TCTN2: variants seen among roughly 807,000 people sequenced by gnomAD.
TCTN2 encodes tectonic-2.
A neutral mutation model predicts 83.4 loss-of-function variants in TCTN2; 66 were observed. The observed-to-expected ratio is 0.79, with a 90% CI of 0.65 to 0.97. The LOEUF (loss-of-function observed/expected upper bound fraction) is 0.97. Ranked by LOEUF, TCTN2 falls within the 50% of genes least tolerant of loss-of-function variation. TCTN2 has a pLI of 0.00. For missense variants in TCTN2, 794 were observed against 858.1 expected, an observed-to-expected ratio of 0.93 and a Z score of 0.93; for synonymous variants, 301 against 326.7, an observed-to-expected ratio of 0.92 and a Z score of 0.85.
At chr12:123,681,890 C>T (rs539046182) in intron 5 of TCTN2, among the ~76,000 whole-genome samples, 8 of 152,282 alleles carry the variant, frequency 5.3e-5, no homozygotes, top group African/African-American at 1.9e-4. Flanking sequence ...TCCTCACCAA[C>T]AGTTGTTATT....
At position 123,671,339 on chromosome 12, in the gene TCTN2, A is replaced by C. The variant is rs2135813322; in HGVS notation, c.82+17A>C. 3.7e-6 allele frequency: 6 copies of C among 1,612,538 alleles called. No individual in the cohort carries two copies. The highest frequency in any genetic ancestry group is 3.3e-4 in the Middle Eastern group (2 of 6,056). On this transcript the variant is annotated intron_variant, in intron 1 of 17. Transcript: ENST00000303372. ...GGGACCTGGGTGTGTACGGCGCGGC[A>C]GTGACCTCGGTGGGCCGGGGCTGAG...
intron 11 of TCTN2, 70 bp from the exon 12 acceptor site, chr12:123,696,340 CTTGTA>C: frequency 1.6e-6 from 2 of 1,222,046 alleles, no homozygotes; most frequent in Non-Finnish European, 2.4e-6. Context: ...GTGCATGACT[CTTGTA>C]TTATTTGCAG....
At chr12:123,683,999 G>A (rs1287112084) in intron 5 of TCTN2, among the ~76,000 whole-genome samples, 1 of 152,064 alleles carries the variant, frequency 6.6e-6, no homozygotes, top group East Asian at 1.9e-4. Flanking sequence ...GAAATTTACT[G>A]GTACCCAAGT....
intron 7 of TCTN2, among the ~76,000 whole-genome samples, chr12:123,689,066 ATTTGT>A (rs1956011435): frequency 1.3e-5 from 2 of 150,450 alleles, no homozygotes; most frequent in Admixed American, 1.3e-4. Context: ...AATTAAAAAA[ATTTGT>A]TTTGGTTTGA....
chr12:123,686,920 C>G lies in TCTN2; in HGVS notation c.649C>G (p.Gln217Glu). The change falls in exon 6 of 18, where the codon CAG becomes GAG. Residue 217 changes from glutamine to glutamate, a missense_variant. By Grantham distance (29) the Gln-to-Glu change is conservative. Coordinates refer to ENST00000303372, the MANE Select transcript of TCTN2 (RefSeq NM_024809.5). ...FGGDVNPPFDQLCSAGTTTRG... is the reference protein window; with the variant it reads ...FGGDVNPPFDELCSAGTTTRG... ...AGGAGACGTCAATCCTCCTTTTGATCAGCTCTGCTCTGCTGGGACGACGAC... is the reference window on the plus strand; with the variant it reads ...AGGAGACGTCAATCCTCCTTTTGATGAGCTCTGCTCTGCTGGGACGACGAC... 6.2e-7 allele frequency: 1 copy of G among 1,614,206 alleles called. No homozygotes were observed.
rs1480068991 is a variant in TCTN2, at chr12:123,671,206, C to G, written c.-35C>G. 5 of 1,593,926 alleles carry G rather than the reference C, an allele frequency of 3.1e-6. No individual in the cohort carries two copies. Among genetic ancestry groups the G allele is most frequent in the Non-Finnish European group, 4.3e-6 (5 of 1,169,254 alleles). On this transcript the variant is annotated 5_prime_UTR_variant, in exon 1 of 18. Coordinates refer to ENST00000303372, the MANE Select transcript of TCTN2 (RefSeq NM_024809.5). ...TCCTTCCTGGGTTCTAATGAGGGCG[C>G]GGTTCTGCTGTGCCCGGCCCGCGAG...
intron 15 of TCTN2, among the ~76,000 whole-genome samples, 172 bp from the exon 16 acceptor site, chr12:123,706,554 T>C (rs1956231978): frequency 6.6e-6 from 1 of 152,198 alleles, no homozygotes. Flanking sequence ...TGGATCTGTC[T>C]GTGGAAATGG....
intron 17 of TCTN2, 105 bp downstream of exon 17, chr12:123,707,178 A>T (rs1378355940): frequency 2.1e-6 from 2 of 969,200 alleles, no homozygotes; most frequent in East Asian, 2.6e-5. Context: ...ATAGAAACTT[A>T]AAAAAAAGTA....
intron 14 of TCTN2, among the ~76,000 whole-genome samples, chr12:123,701,599 C>T (rs558272318): frequency 1.1e-4 from 17 of 151,730 alleles, no homozygotes; most frequent in East Asian, 5.8e-4. Flanking sequence ...AAAAATTAGC[C>T]GGGCGTGGTG....
Position 123,704,618 on chromosome 12 carries a change from C to G in TCTN2, c.1699C>G (p.Arg567Gly), listed in dbSNP as rs369121651. ...GGATATTCCTGCTCACCTGAGCATC[C>G]GCATCCTCATCTCGGATGCTGGCGC... ...CLDIPAHLSI[R>G]ILISDAGAVE... Residue 567 changes from arginine to glycine, a missense_variant, in exon 15 of 18, where the codon CGC (arginine) becomes GGC (glycine). Coordinates refer to ENST00000303372, the MANE Select transcript of TCTN2 (RefSeq NM_024809.5). The G allele has an allele frequency of 6.2e-7, 1 of 1,612,794 alleles. No homozygotes were observed. The highest frequency in any genetic ancestry group is 8.5e-7 in the Non-Finnish European group (1 of 1,179,892).
At chr12:123,687,623 G>A (rs1254062165) in intron 6 of TCTN2, among the ~76,000 whole-genome samples, 1 of 151,906 alleles carries the variant, frequency 6.6e-6, no homozygotes, top group Non-Finnish European at 1.5e-5. Flanking sequence ...CTGCACTCCA[G>A]CCTGGGCGAC....
chr12:123,679,274 C>G lies in TCTN2; in HGVS notation c.549C>G (p.Arg183=). 1 of 1,613,984 alleles carries G rather than the reference C, an allele frequency of 6.2e-7. No homozygotes were observed. The highest frequency in any genetic ancestry group is 2.2e-5 in the East Asian group (1 of 44,880). The stretch of plus-strand genomic sequence containing the variant: ...TAACAGCTGGAGCCTGTGATGTTCG[C>G]TGCTGCTGTGACCAGGTATGTTCTT... ...CNLTAGACDV[R]CCCDQECSSN... The change falls in exon 5 of 18, where the codon CGC becomes CGG. Residue 183 remains arginine, a synonymous_variant. Transcript: ENST00000303372.
In TCTN2 at chr12:123,707,765, A is replaced by G; in HGVS notation, c.*52A>G. ...AGATGGAGTTTTGCTCTTGTTGCCC[A>G]GGCTGAAGTGATCTCGGCTCACCAC... On this transcript the variant is annotated 3_prime_UTR_variant, in exon 18 of 18. Transcript: ENST00000303372. The G allele has an allele frequency of 7.1e-7, 1 of 1,413,648 alleles. No individual in the cohort carries two copies. Among genetic ancestry groups the G allele is most frequent in the Non-Finnish European group, 1.0e-6 (1 of 999,202 alleles). 87.6% of individuals were successfully genotyped at this position (1,413,648 alleles called of 1,614,324 possible). A position where few individuals can be genotyped will look rare whatever the true frequency, so the allele number is the denominator to read the frequency against.
intron 12 of TCTN2, 70 bp from the exon 13 acceptor site, chr12:123,697,017 G>T: frequency 2.4e-6 from 3 of 1,251,918 alleles, no homozygotes; most frequent in South Asian, 1.2e-5. Flanking sequence ...TGTTTTTCAC[G>T]GAAAACTGAA....
At chr12:123,694,268 C>G (rs375840301) in intron 9 of TCTN2, among the ~76,000 whole-genome samples, 3 of 152,252 alleles carry the variant, frequency 2.0e-5, no homozygotes, top group Admixed American at 2.0e-4. Context: ...GCTGGGATTA[C>G]AGGCGTGAGC....
chr12:123,680,312 A>G (rs1229427123), intron 5 of TCTN2, among the ~76,000 whole-genome samples: 1 of 148,266 alleles, frequency 6.7e-6, no homozygotes, highest in Non-Finnish European at 1.5e-5. Context: ...GAATTGTGCC[A>G]CTGCACTCCA....
chr12:123,674,142 T>C (rs1027771495), intron 4 of TCTN2, among the ~76,000 whole-genome samples: 7 of 152,222 alleles, frequency 4.6e-5, no homozygotes, highest in Admixed American at 4.6e-4. Flanking sequence ...TTTGTTTAGT[T>C]TTCTTTTAAG....
intron 13 of TCTN2, among the ~76,000 whole-genome samples, chr12:123,699,049 C>T (rs1956141740): frequency 6.6e-6 from 1 of 152,082 alleles, no homozygotes; most frequent in South Asian, 2.1e-4. Context: ...TCACTCTGGC[C>T]CACGAATGTA....
At chr12:123,689,377 G>C (rs962900458) in intron 7 of TCTN2, among the ~76,000 whole-genome samples, 6 of 152,146 alleles carry the variant, frequency 3.9e-5, no homozygotes, top group Non-Finnish European at 2.9e-5. Context: ...TGTAGAGATG[G>C]GGGTTTCACT....
Sources: allele counts gnomAD v4.1 joint callset (sites outside exome capture counted in the v4.1 genomes callset), GRCh38; gene constraint gnomAD v4.1.1; transcripts MANE v1.5; gene names NCBI Gene and HGNC (gene_info 2026-07-23, HGNC 2026-07-21).